The following FBN1 variants were observed in gnomAD, a reference collection of about 807,000 sequenced individuals.
The protein encoded by FBN1 is fibrillin-1.
Under a neutral mutation model 365.1 loss-of-function variants are expected in FBN1, and 29 were observed. That is an observed-to-expected ratio of 0.08 (90% CI 0.06 to 0.11). FBN1 has a LOEUF of 0.11. Among genes scored for constraint, FBN1 ranks in the 10% least tolerant of loss-of-function variants. FBN1 has a pLI of 1.00. For missense variants in FBN1, 2,476 were observed against 3,703.2 expected (o/e 0.67, Z 8.60); for synonymous variants, 1,210 against 1,270.5 (o/e 0.95, Z 1.01).
chr15:48,635,218 G>C (rs1290424015), intron 2 of FBN1, among the ~76,000 whole-genome samples: 1 of 152,130 alleles, frequency 6.6e-6, no homozygotes, highest in Non-Finnish European at 1.5e-5. Flanking sequence ...TCTCCGGCTG[G>C]GAATGGTGGA....
At chr15:48,582,626 T>A (rs1395533949) in intron 6 of FBN1, among the ~76,000 whole-genome samples, 2 of 152,192 alleles carry the variant, frequency 1.3e-5, no homozygotes, top group Non-Finnish European at 2.9e-5. Flanking sequence ...AAGCCAGGAT[T>A]GCATGACATC....
In FBN1 at chr15:48,415,546, T is replaced by G; in HGVS notation, c.8041A>C (p.Ile2681Leu). 6.2e-7 allele frequency: 1 copy of G among 1,613,266 alleles called. No individual in the cohort carries two copies. The highest frequency in any genetic ancestry group is 8.5e-7 in the Non-Finnish European group (1 of 1,179,164). ...LCGCPPGYFR[I>L]GQGHCVSGMG... ...AAGAGCACTGCTTACCCTTGGCCTA[T>G]GCGGAAGTAACCAGGTGGACAGCCA... Residue 2681 changes from isoleucine to leucine, a missense_variant, in exon 64 of 66, where the codon ATA becomes CTA. Physicochemically the swap from Ile to Leu is conservative, Grantham distance 5. Transcript: ENST00000316623.
At chr15:48,453,926 A>T (rs1189637963) in intron 44 of FBN1, among the ~76,000 whole-genome samples, 1 of 152,214 alleles carries the variant, frequency 6.6e-6, no homozygotes. Flanking sequence ...TTGATTTATG[A>T]CCACATATGG....
chr15:48,509,910 G>T, intron 14 of FBN1, 134 bp downstream of exon 14: 1 of 928,342 alleles, frequency 1.1e-6, no homozygotes, highest in Non-Finnish European at 1.7e-6. Context: ...GGAAAATTAG[G>T]CTTCCTTTTG....
chr15:48,529,679 C>T (rs2043950922), intron 8 of FBN1: 2 of 152,192 alleles, frequency 1.3e-5, no homozygotes, highest in African/African-American at 2.4e-5. Flanking sequence ...ACATGTGACA[C>T]ACTAATGATC....
intron 2 of FBN1, among the ~76,000 whole-genome samples, chr15:48,618,521 G>A (rs1038847391): frequency 6.6e-6 from 1 of 152,106 alleles, no homozygotes. Flanking sequence ...GACTGTTACA[G>A]TCCATCTGCC....
At chr15:48,473,485 T>A (rs2043394119) in intron 34 of FBN1, among the ~76,000 whole-genome samples, 2 of 152,238 alleles carry the variant, frequency 1.3e-5, no homozygotes, top group Admixed American at 1.3e-4. Context: ...ATTTATGTAA[T>A]GACAAGTCTA....
At chr15:48,505,264 T>C (rs897367845) in intron 15 of FBN1, 117 bp from the exon 16 acceptor site, 9 of 1,260,676 alleles carry the variant, frequency 7.1e-6, no homozygotes, top group Non-Finnish European at 9.1e-6. Context: ...ATATGCAGCA[T>C]CAGCAACAAA....
chr15:48,509,959 T>G (rs2043744739), intron 14 of FBN1, 85 bp downstream of exon 14: 2 of 1,382,424 alleles, frequency 1.4e-6, no homozygotes, highest in African/African-American at 2.8e-5. Flanking sequence ...CTTTGACATT[T>G]CACTCATTAT....
intron 6 of FBN1, among the ~76,000 whole-genome samples, chr15:48,551,752 T>C (rs764685977): frequency 1.3e-5 from 2 of 152,170 alleles, no homozygotes; most frequent in African/African-American, 2.4e-5. Context: ...TTCCCACTTA[T>C]AAGTAAGAAT....
At chr15:48,549,887 G>A (rs563336592) in intron 6 of FBN1, among the ~76,000 whole-genome samples, 2 of 152,166 alleles carry the variant, frequency 1.3e-5, no homozygotes, top group South Asian at 4.1e-4. Context: ...ATTCCAAAGG[G>A]AGCCACATAG....
rs759908796 is a variant in FBN1, at chr15:48,415,611, C to T, written c.7976G>A (p.Cys2659Tyr). ...CTCGGTATTGGAACAGCCATAGCTG[C>T]AGGGGGCCTGCGCAGAGCCACATTC... ...INECGSAQAP[C>Y]SYGCSNTEGG... is the part of the protein sequence containing the mutation. The change falls in exon 64 of 66, where the codon TGC (cysteine) becomes TAC (tyrosine). Residue 2659 changes from cysteine to tyrosine, a missense_variant. Physicochemically the swap from Cys to Tyr is radical, Grantham distance 194. This residue lies in a region of FBN1 where 1,780 missense variants were observed against 2,840.8 expected (regional missense o/e 0.63). Transcript: ENST00000316623. The T allele has an allele frequency of 6.2e-7, 1 of 1,614,236 alleles. No homozygotes were observed. Among genetic ancestry groups the T allele is most frequent in the Non-Finnish European group, 8.5e-7 (1 of 1,180,040 alleles).
chr15:48,520,827 A>C lies in FBN1; in HGVS notation c.989-10T>G. On this transcript the variant is annotated splice_polypyrimidine_tract_variant and intron_variant, in intron 9 of 65. Transcript: ENST00000316623. ...TATCCTGGGCGAACATCTGAGGACA[A>C]AGAAACACATACACACACACACATC... 1.9e-6 allele frequency: 3 copies of C among 1,614,122 alleles called. No individual in the cohort carries two copies. Among genetic ancestry groups the C allele is most frequent in the Non-Finnish European group, 2.5e-6 (3 of 1,180,008 alleles).
intron 6 of FBN1, among the ~76,000 whole-genome samples, chr15:48,572,797 C>T (rs1333885635): frequency 6.6e-6 from 1 of 152,200 alleles, no homozygotes; most frequent in East Asian, 1.9e-4. Flanking sequence ...ATCTGAGATG[C>T]TCTGGTTCGT....
intron 17 of FBN1, 90 bp downstream of exon 17, chr15:48,503,697 T>C: frequency 6.3e-7 from 1 of 1,576,132 alleles, no homozygotes; most frequent in Non-Finnish European, 8.7e-7. Flanking sequence ...GAGAGCAAAA[T>C]GTCATCTTCC....
At chr15:48,628,104 T>C (rs1225069990) in intron 2 of FBN1, among the ~76,000 whole-genome samples, 5 of 152,186 alleles carry the variant, frequency 3.3e-5, no homozygotes, top group Non-Finnish European at 7.3e-5. Context: ...CATGTTTCAC[T>C]GACATGAAAC....
intron 55 of FBN1, among the ~76,000 whole-genome samples, chr15:48,431,869 G>A (rs2043024892): frequency 1.3e-5 from 2 of 151,986 alleles, no homozygotes; most frequent in South Asian, 4.2e-4. Flanking sequence ...TGGTCAGGCT[G>A]GTCTCAAACT....
chr15:48,529,545 C>G (rs1871483), intron 8 of FBN1: 17,460 of 152,198 alleles, frequency 0.11, 1,174 homozygotes, highest in Non-Finnish European at 0.14. Flanking sequence ...TATCTAGAAG[C>G]TCCATCCAAG....
chr15:48,520,591 T>C, intron 10 of FBN1, 68 bp downstream of exon 10: 1 of 1,579,588 alleles, frequency 6.3e-7, no homozygotes, highest in Non-Finnish European at 8.7e-7. Context: ...ATCTGCATCA[T>C]GCACATTGCC....
Sources: allele counts gnomAD v4.1 joint callset (sites outside exome capture counted in the v4.1 genomes callset), GRCh38; gene constraint gnomAD v4.1.1; regional missense constraint gnomAD v4.1.1; transcripts MANE v1.5; gene names NCBI Gene and HGNC (gene_info 2026-07-23, HGNC 2026-07-21).